The following TNKS variants were observed in gnomAD, a reference collection of about 807,000 sequenced individuals.
TNKS encodes tankyrase, also known as poly [ADP-ribose] polymerase tankyrase-1.
A neutral mutation model predicts 135.8 loss-of-function variants in TNKS; 72 were observed. The observed-to-expected ratio is 0.53, with a 90% CI of 0.44 to 0.64. The LOEUF (loss-of-function observed/expected upper bound fraction) is 0.64, where lower values mean the gene tolerates loss of function less well. Among genes scored for constraint, TNKS ranks in the 30% least tolerant of loss-of-function variants. TNKS has a pLI of 0.00. For missense variants in TNKS, 1,769 were observed against 1,674.0 expected, an observed-to-expected ratio of 1.06 and a Z score of -0.99; for synonymous variants, 849 against 649.3, an observed-to-expected ratio of 1.31 and a Z score of -4.68.
intron 3 of TNKS, among the ~76,000 whole-genome samples, chr8:9,620,147 A>G (rs1423770059): frequency 6.6e-6 from 1 of 151,740 alleles, no homozygotes; most frequent in Non-Finnish European, 1.5e-5. Flanking sequence ...ATGGACTTTC[A>G]CCACTTTGGC....
chr8:9,602,452 C>T (rs1304499026), intron 2 of TNKS, among the ~76,000 whole-genome samples: 2 of 152,162 alleles, frequency 1.3e-5, no homozygotes, highest in East Asian at 3.9e-4. Context: ...GAGATACTGC[C>T]TCATGACAGC....
chr8:9,672,681 TAC>T (rs60210743), intron 3 of TNKS, among the ~76,000 whole-genome samples: 861 of 84,634 alleles, frequency 0.01, 17 homozygotes, highest in African/African-American at 0.029. Flanking sequence ...AAAAAACACA[TAC>T]ACACACACAC....
At chr8:9,754,215 G>T (rs528590044) in intron 20 of TNKS, among the ~76,000 whole-genome samples, 10 of 152,060 alleles carry the variant, frequency 6.6e-5, no homozygotes, top group Non-Finnish European at 1.5e-4. Context: ...CATTTTGAGG[G>T]CCACCATTCA....
Position 9,642,073 on chromosome 8 carries a change from A to G in TNKS, c.994+26396A>G, listed in dbSNP as rs899834640. 1.4e-5 allele frequency among the ~76,000 whole-genome samples: 2 copies of G among 146,184 alleles called. 1 individual carries two copies. The highest frequency in any genetic ancestry group is 1.4e-4 in the Admixed American group (2 of 13,896). ...TGTTTGGCTTAAATCTTTTAAGTTT[A>G]TCAAGATGAGAAAACTTTAGCGTCT... On this transcript the variant is annotated intron_variant, in intron 3 of 26. Transcript: ENST00000310430.
At chr8:9,587,756 T>C (rs1798443794) in intron 2 of TNKS, among the ~76,000 whole-genome samples, 1 of 152,194 alleles carries the variant, frequency 6.6e-6, no homozygotes, top group Admixed American at 6.5e-5. Flanking sequence ...TCTCCAGAAC[T>C]GTAGGAGAGT....
intron 26 of TNKS, among the ~76,000 whole-genome samples, chr8:9,771,764 GAAAA>G (rs952584568): frequency 2.8e-5 from 2 of 72,300 alleles, no homozygotes; most frequent in Non-Finnish European, 5.0e-5. Flanking sequence ...GAAGGAGAGA[GAAAA>G]AAAGGAAGGC....
chr8:9,662,740 TATAATA>T (rs552890151), intron 3 of TNKS, among the ~76,000 whole-genome samples: 1 of 152,108 alleles, frequency 6.6e-6, no homozygotes, highest in East Asian at 1.9e-4. Flanking sequence ...AAACCTAAAG[TATAATA>T]ATAATAAAAT....
chr8:9,650,935 T>C (rs1209103168), intron 3 of TNKS, among the ~76,000 whole-genome samples: 2 of 152,220 alleles, frequency 1.3e-5, no homozygotes, highest in Non-Finnish European at 1.5e-5. Context: ...TTTTCTAGAA[T>C]TTCTGTTGTT....
chr8:9,657,226 C>T (rs1427291141), intron 3 of TNKS, among the ~76,000 whole-genome samples: 14 of 121,950 alleles, frequency 1.1e-4, no homozygotes, highest in African/African-American at 3.9e-4. Flanking sequence ...ACCTCCCGGA[C>T]GGGGCGGCTG....
intron 1 of TNKS, among the ~76,000 whole-genome samples, 188 bp from the exon 2 acceptor site, chr8:9,579,971 C>T (rs1483810313): frequency 6.6e-6 from 1 of 152,140 alleles, no homozygotes; most frequent in African/African-American, 2.4e-5. Context: ...AAAGGAAGAG[C>T]TTCCTTAGTT....
intron 18 of TNKS, among the ~76,000 whole-genome samples, chr8:9,750,518 G>A (rs973220197): frequency 3.3e-5 from 5 of 152,200 alleles, no homozygotes; most frequent in East Asian, 3.9e-4. Flanking sequence ...CTGTGGCAGC[G>A]TTGCCAAACT....
chr8:9,774,706 T>C (rs1808124538), intron 26 of TNKS, among the ~76,000 whole-genome samples: 1 of 152,158 alleles, frequency 6.6e-6, no homozygotes, highest in East Asian at 1.9e-4. Flanking sequence ...AGCATTTAGA[T>C]AAGGACCTTT....
chr8:9,732,715 C>G (rs1338507641), intron 14 of TNKS, among the ~76,000 whole-genome samples: 2 of 152,148 alleles, frequency 1.3e-5, no homozygotes, highest in Non-Finnish European at 2.9e-5. Context: ...CAAATCAGAG[C>G]TTAGACTCCT....
intron 2 of TNKS, among the ~76,000 whole-genome samples, chr8:9,608,772 CTTG>C (rs1257354995): frequency 6.6e-6 from 1 of 152,146 alleles, no homozygotes; most frequent in African/African-American, 2.4e-5. Flanking sequence ...TGCTTTGACT[CTTG>C]TTGTGTTTAT....
chr8:9,706,688 A>C, intron 7 of TNKS, 123 bp from the exon 8 acceptor site: 1 of 899,438 alleles, frequency 1.1e-6, no homozygotes, highest in Non-Finnish European at 1.6e-6. Context: ...GTGATATTGA[A>C]GAAATTAAAA....
chr8:9,730,677 A>C (rs553530202), intron 13 of TNKS, among the ~76,000 whole-genome samples: 1 of 152,360 alleles, frequency 6.6e-6, no homozygotes, highest in South Asian at 2.1e-4. Flanking sequence ...GTTGAAAAAC[A>C]TTAATTTGCT....
chr8:9,754,333 G>A (rs1208482597), intron 20 of TNKS, among the ~76,000 whole-genome samples: 2 of 152,036 alleles, frequency 1.3e-5, no homozygotes, highest in East Asian at 3.9e-4. Flanking sequence ...CCCTATTTTA[G>A]AATAAATCTG....
intron 25 of TNKS, among the ~76,000 whole-genome samples, chr8:9,769,630 T>TTG (rs1554489583): frequency 0.017 from 2,425 of 140,858 alleles, 54 homozygotes; most frequent in African/African-American, 0.06. Context: ...TTTTTTTTTT[T>TTG]TTTTTTTGAG....
intron 17 of TNKS, among the ~76,000 whole-genome samples, chr8:9,743,929 AT>A (rs1246393818): frequency 1.3e-5 from 2 of 152,226 alleles, no homozygotes; most frequent in Non-Finnish European, 2.9e-5. Flanking sequence ...TGAGGATGAA[AT>A]AATAATCTGA....
Sources: allele counts gnomAD v4.1 joint callset (sites outside exome capture counted in the v4.1 genomes callset), GRCh38; gene constraint gnomAD v4.1.1; transcripts MANE v1.5; gene names NCBI Gene and HGNC (gene_info 2026-07-23, HGNC 2026-07-21).